Variants in MAD1L1 observed in about 807,000 individuals in gnomAD.
MAD1L1 encodes mitotic spindle assembly checkpoint protein MAD1.
MAD1L1 carries 95 observed loss-of-function variants against 96.9 expected under a neutral mutation model. The ratio of observed to expected loss-of-function variants is 0.98; its 90% CI spans 0.83 to 1.16. The LOEUF (loss-of-function observed/expected upper bound fraction) is 1.16, where lower values mean the gene tolerates loss of function less well. Among genes scored for constraint, MAD1L1 ranks in the 50% most tolerant of loss-of-function variants. The probability of loss-of-function intolerance (pLI) is 0.00; values close to 1 mark genes in which losing one functional copy is unlikely to be tolerated. For synonymous variants in MAD1L1, 473 were observed against 396.6 expected, an observed-to-expected ratio of 1.19 and a Z score of -2.29; for missense variants, 1,007 against 954.4, an observed-to-expected ratio of 1.06 and a Z score of -0.73.
At chr7:1,933,894 T>A (rs780227968) in intron 17 of MAD1L1, among the ~76,000 whole-genome samples, 8 of 152,256 alleles carry the variant, frequency 5.3e-5, no homozygotes, top group Non-Finnish European at 1.0e-4. Flanking sequence ...CTGGGCTGCG[T>A]TGGAGTTTTG....
chr7:1,825,413 C>A (rs532094991), intron 18 of MAD1L1, among the ~76,000 whole-genome samples: 2 of 152,216 alleles, frequency 1.3e-5, no homozygotes, highest in Admixed American at 1.3e-4. Context: ...AGACGCCAGG[C>A]GTGGGTCACA....
Position 2,075,835 on chromosome 7 carries a change from TC to T in MAD1L1, c.1074-6498del, listed in dbSNP as rs527499579. On this transcript the variant is annotated intron_variant, in intron 11 of 18. Coordinates refer to ENST00000265854, the MANE Select transcript of MAD1L1 (RefSeq NM_001013836.2). ...GCCAGCTCTTCCACGCACGACCCATTCCTCCCACACACTCTTTGTCTACCTT... is the reference window on the plus strand; with the variant it reads ...GCCAGCTCTTCCACGCACGACCCATTCTCCCACACACTCTTTGTCTACCTT... 5.3e-5 allele frequency among the ~76,000 whole-genome samples: 8 copies of T among 152,028 alleles called. No individual in the cohort carries two copies. The South Asian group carries it at 1.7e-3, about 32-fold the overall frequency.
chr7:2,042,649 A>C (rs1783739432), intron 12 of MAD1L1, among the ~76,000 whole-genome samples: 1 of 152,040 alleles, frequency 6.6e-6, no homozygotes, highest in South Asian at 2.1e-4. Context: ...CCGAGTGAGG[A>C]GTGTTGTTGG....
At chr7:1,951,597 TGCCCCA>T (rs983838221) in intron 16 of MAD1L1, among the ~76,000 whole-genome samples, 4 of 152,098 alleles carry the variant, frequency 2.6e-5, no homozygotes, top group African/African-American at 9.7e-5. Context: ...TCCATTCCCC[TGCCCCA>T]GCCCCAGCCC....
At chr7:2,168,792 G>A (rs1480452787) in intron 10 of MAD1L1, among the ~76,000 whole-genome samples, 2 of 152,258 alleles carry the variant, frequency 1.3e-5, no homozygotes, top group African/African-American at 4.8e-5. Flanking sequence ...ACACAAGCCT[G>A]GAGCAGGGGG....
chr7:2,128,492 C>A (rs2128566460), intron 11 of MAD1L1, among the ~76,000 whole-genome samples: 1 of 152,296 alleles, frequency 6.6e-6, no homozygotes, highest in South Asian at 2.1e-4. Context: ...TGGAAGATGG[C>A]CGTTCAGGAG....
chr7:2,104,624 G>A (rs891051096), intron 11 of MAD1L1, among the ~76,000 whole-genome samples: 7 of 152,090 alleles, frequency 4.6e-5, no homozygotes, highest in Admixed American at 2.0e-4. Context: ...TTTACTCCTC[G>A]TTAAATTCTT....
rs1280443518 is a variant in MAD1L1, at chr7:1,903,934, G to C, written c.1808-5544C>G. On this transcript the variant is annotated intron_variant, in intron 17 of 18. Coordinates refer to ENST00000265854, the MANE Select transcript of MAD1L1 (RefSeq NM_001013836.2). ...ATCAAGCACTGTTCCAGGCAGCGAG[G>C]ACGCAGTGGCCTACGGAAGACACTC... Among the ~76,000 whole-genome samples the C allele has an allele frequency of 1.8e-3, 183 of 104,558 alleles. 1 individual carries two copies. Among genetic ancestry groups the C allele is most frequent in the South Asian group, 4.0e-3 (12 of 2,994 alleles). 68.6% of individuals were successfully genotyped at this position (104,558 alleles called of 152,430 possible). A position where few individuals can be genotyped will look rare whatever the true frequency, so the allele number is the denominator to read the frequency against.
intron 12 of MAD1L1, among the ~76,000 whole-genome samples, chr7:2,042,366 C>T (rs747302377): frequency 2.6e-5 from 4 of 152,156 alleles, no homozygotes; most frequent in African/African-American, 4.8e-5. Context: ...CACACAGGCA[C>T]AAGGGCATGC....
intron 16 of MAD1L1, among the ~76,000 whole-genome samples, chr7:1,944,431 C>T (rs13225225): frequency 0.26 from 39,108 of 151,968 alleles, 5,559 homozygotes; most frequent in Middle Eastern, 0.33. Flanking sequence ...CAGCAGGAAG[C>T]GTGGATGCAG....
intron 7 of MAD1L1, among the ~76,000 whole-genome samples, chr7:2,217,342 G>A (rs764897340): frequency 6.6e-6 from 1 of 152,204 alleles, no homozygotes; most frequent in African/African-American, 2.4e-5. Flanking sequence ...CCTGAGAGGT[G>A]GACTGAGGGC....
intron 17 of MAD1L1, among the ~76,000 whole-genome samples, chr7:1,918,844 G>A (rs1788587356): frequency 6.6e-6 from 1 of 152,194 alleles, no homozygotes; most frequent in African/African-American, 2.4e-5. Flanking sequence ...GGCGACTGGT[G>A]CTGTGGCTAC....
At chr7:2,008,430 T>A (rs1277843025) in intron 13 of MAD1L1, among the ~76,000 whole-genome samples, 1 of 152,204 alleles carries the variant, frequency 6.6e-6, no homozygotes, top group Non-Finnish European at 1.5e-5. Context: ...ACTCTCTGGG[T>A]GACCGGGTGG....
chr7:1,840,598 G>T (rs552471418), intron 18 of MAD1L1, among the ~76,000 whole-genome samples: 2 of 152,248 alleles, frequency 1.3e-5, no homozygotes, highest in East Asian at 3.9e-4. Flanking sequence ...GCATGGTGGC[G>T]GGCGCCTGTA....
chr7:1,914,613 G>C (rs1788253574), intron 17 of MAD1L1, among the ~76,000 whole-genome samples: 1 of 152,128 alleles, frequency 6.6e-6, no homozygotes, highest in South Asian at 2.1e-4. Context: ...ATCGTGTTGA[G>C]TTTTTGGTTT....
chr7:2,074,795 A>G (rs900526302), intron 11 of MAD1L1, among the ~76,000 whole-genome samples: 5 of 152,038 alleles, frequency 3.3e-5, no homozygotes, highest in Non-Finnish European at 7.4e-5. Context: ...TCAGCAAACC[A>G]GCAAGCAGGT....
At chr7:1,820,049 T>C (rs942230641) in intron 18 of MAD1L1, among the ~76,000 whole-genome samples, 5 of 152,116 alleles carry the variant, frequency 3.3e-5, no homozygotes, top group African/African-American at 1.2e-4. Context: ...GGAAGTTATG[T>C]GAATGCTGTT....
chr7:1,913,173 G>A (rs116748455), intron 17 of MAD1L1, among the ~76,000 whole-genome samples: 3,515 of 152,250 alleles, frequency 0.023, 130 homozygotes, highest in African/African-American at 0.079. Context: ...CGAGGCCTCG[G>A]ATTCCTATGT....
At chr7:1,923,457 T>TCTTCCGCCCC (rs1788911725) in intron 17 of MAD1L1, among the ~76,000 whole-genome samples, 1 of 97,346 alleles carries the variant, frequency 1.0e-5, no homozygotes, top group Non-Finnish European at 2.5e-5. Context: ...CCCGGCACCC[T>TCTTCCGCCCC]GGCACCCCCG....
Sources: allele counts gnomAD v4.1 joint callset (sites outside exome capture counted in the v4.1 genomes callset), GRCh38; gene constraint gnomAD v4.1.1; transcripts MANE v1.5; gene names NCBI Gene and HGNC (gene_info 2026-07-23, HGNC 2026-07-21).